Variants in TAOK2 observed in about 807,000 individuals in gnomAD.
TAOK2 encodes serine/threonine-protein kinase TAO2.
In TAOK2, 42 loss-of-function variants were observed where a neutral mutation model predicts 122.5. The observed-to-expected ratio is 0.34, with a 90% CI of 0.27 to 0.44. The LOEUF (loss-of-function observed/expected upper bound fraction) is 0.44, where lower values mean the gene tolerates loss of function less well. Ranked by LOEUF, TAOK2 falls within the 20% of genes least tolerant of loss-of-function variation. TAOK2 has a pLI of 1.00. For missense variants in TAOK2, 1,264 were observed against 1,644.9 expected, an observed-to-expected ratio of 0.77 and a Z score of 4.01; for synonymous variants, 704 against 677.6, an observed-to-expected ratio of 1.04 and a Z score of -0.61.
intron 10 of TAOK2, among the ~76,000 whole-genome samples, chr16:29,982,408 A>G (rs2069645837): frequency 6.6e-6 from 1 of 152,210 alleles, no homozygotes; most frequent in Admixed American, 6.5e-5. Flanking sequence ...CACTTGTTTT[A>G]TAATTGTAGG....
intron 13 of TAOK2, among the ~76,000 whole-genome samples, chr16:29,984,302 C>G (rs2069714143): frequency 6.6e-6 from 1 of 152,248 alleles, no homozygotes; most frequent in Non-Finnish European, 1.5e-5. Context: ...TTTGGTGGCT[C>G]TCTGCTCCTG....
chr16:29,991,080 C>A (rs751418451), downstream of TAOK2: 3 of 1,582,666 alleles, frequency 1.9e-6, no homozygotes, highest in South Asian at 1.2e-5. This position sits in a 1 kb window ranked among gnomAD's most constrained non-coding sequence, Gnocchi z 5.6. Flanking sequence ...GCAGACAGGA[C>A]GCTCCGAGCG....
Position 29,987,217 on chromosome 16 carries a change from G to A in TAOK2, c.2945G>A (p.Gly982Glu). 1 of 1,545,982 alleles carries A rather than the reference G, an allele frequency of 6.5e-7. No homozygotes were observed. The highest frequency in any genetic ancestry group is 8.7e-7 in the Non-Finnish European group (1 of 1,152,394). The change falls in exon 16 of 16, where the codon GGG (glycine) becomes GAG (glutamate). Residue 982 changes from glycine (G) to glutamate (E), a missense_variant. Gly to Glu is a moderately conservative substitution (Grantham distance 98). Transcript: ENST00000308893. ...LLLPLLAAQG[G>E]GGLQAALLAL... Reference sequence around the variant, plus strand: ...CTTCCATTGCTGGCAGCCCAGGGTGGGGGTGGCCTGCAGGCAGCGCTGCTG... The same window carrying A: ...CTTCCATTGCTGGCAGCCCAGGGTGAGGGTGGCCTGCAGGCAGCGCTGCTG...
intron 1 of TAOK2, among the ~76,000 whole-genome samples, chr16:29,977,202 G>T (rs796928255): frequency 1.3e-5 from 2 of 151,870 alleles, no homozygotes; most frequent in Non-Finnish European, 2.9e-5. Flanking sequence ...GTGACTTTGC[G>T]GGCTCCTCTG....
At chr16:29,991,701 C>A, downstream of TAOK2, 1 of 1,174,716 alleles carries the variant, frequency 8.5e-7, no homozygotes, top group Non-Finnish European at 1.1e-6. This position sits in a 1 kb window ranked among gnomAD's most constrained non-coding sequence, Gnocchi z 5.6. Context: ...CAGACCTCCT[C>A]ATCTCATGAG....
At chr16:29,991,619 C>T (rs1292041767), downstream of TAOK2, 23 of 1,429,038 alleles carry the variant, frequency 1.6e-5, no homozygotes, top group Non-Finnish European at 2.1e-5. The surrounding 1 kb of genome is among the most constrained non-coding windows in gnomAD (Gnocchi z 5.6). Context: ...GTGGGTGGAG[C>T]CTGACCCTGG....
At position 29,981,920 on chromosome 16, in the gene TAOK2, A is replaced by G. The variant is rs970485759; in HGVS notation, c.811A>G (p.Thr271Ala). 4.3e-6 allele frequency: 7 copies of G among 1,613,906 alleles called. No homozygotes were observed. Among genetic ancestry groups the G allele is most frequent in the African/African-American group, 1.3e-5 (1 of 75,004 alleles). Reference protein sequence around the residue: ...CLQKIPQDRPTSEVLLKHRFV... With the variant: ...CLQKIPQDRPASEVLLKHRFV... Reference sequence around the variant, plus strand: ...TCAGAAAATCCCTCAAGACAGACCAACCTCAGAGGTTCTCCTGAAGGTGAG... The same window carrying G: ...TCAGAAAATCCCTCAAGACAGACCAGCCTCAGAGGTTCTCCTGAAGGTGAG... The change falls in exon 10 of 16, where the codon ACC (threonine) becomes GCC (alanine). Residue 271 changes from threonine to alanine, a missense_variant. Transcript: ENST00000308893.
At chr16:29,991,438 G>A (rs747228880), downstream of TAOK2, 25 of 1,520,110 alleles carry the variant, frequency 1.6e-5, no homozygotes, top group African/African-American at 4.2e-5. This position sits in a 1 kb window ranked among gnomAD's most constrained non-coding sequence, Gnocchi z 5.6. Flanking sequence ...CAGCCCCTGC[G>A]GCGGGCAGCC....
rs992927200 is a variant in TAOK2, at chr16:29,987,170, G to C, written c.2898G>C (p.Leu966=). The C allele has an allele frequency of 2.6e-6, 4 of 1,564,160 alleles. No homozygotes were observed. In the African/African-American group the frequency reaches 4.1e-5, roughly 16 times the overall value. The part of the protein sequence containing the change: ...SFAVGSSSGL[L]PLLLLLLLPL... Reference sequence around the variant, plus strand: ...CAGTGGGGTCCTCCTCTGGCCTCCTGCCCCTCCTGCTGCTGCTGCTGCTTC... The same window carrying C: ...CAGTGGGGTCCTCCTCTGGCCTCCTCCCCCTCCTGCTGCTGCTGCTGCTTC... The change falls in exon 16 of 16, where the codon CTG becomes CTC. Residue 966 remains leucine, a synonymous_variant. Coordinates refer to ENST00000308893, the MANE Select transcript of TAOK2 (RefSeq NM_016151.4).
chr16:29,975,330 A>G (rs532178841), intron 1 of TAOK2, among the ~76,000 whole-genome samples: 1 of 152,294 alleles, frequency 6.6e-6, no homozygotes, highest in Non-Finnish European at 1.5e-5. Context: ...CCCATTTTAC[A>G]GTTGAGAACG....
rs1191996792 is a variant in TAOK2, at chr16:29,982,617, C to T, written c.832-117C>T. 36 of 1,378,732 alleles carry T rather than the reference C, an allele frequency of 2.6e-5. No homozygotes were observed. In the Admixed American group the frequency reaches 2.9e-4, roughly 11 times the overall value. 85.4% of individuals were successfully genotyped at this position (1,378,732 alleles called of 1,614,324 possible). On this transcript the variant is annotated intron_variant, in intron 10 of 15. Transcript: ENST00000308893. ...GAAGGGCTTGGGATAAGGCCAGCAT[C>T]AACCCGTGGTGGGCGTGGGCCCCAG...
intron 1 of TAOK2, among the ~76,000 whole-genome samples, chr16:29,977,489 A>T (rs1253028259): frequency 1.3e-5 from 2 of 152,124 alleles, no homozygotes; most frequent in African/African-American, 4.8e-5. Flanking sequence ...GGTGGTGAGG[A>T]TACTTAGCTT....
At position 29,973,991 on chromosome 16, in the gene TAOK2, C is replaced by T. The variant is rs1011221407; in HGVS notation, c.-693C>T. ...GAGGGCGCGGGGACCGTCAGCAGCA[C>T]CTTAGCTACAATCGTTCAGCTATTC... is the stretch of plus-strand genomic sequence containing the variant. On this transcript the variant is annotated 5_prime_UTR_variant, in exon 1 of 16. Transcript: ENST00000308893. 6.5e-6 allele frequency: 1 copy of T among 152,706 alleles called. No homozygotes were observed. Among genetic ancestry groups the T allele is most frequent in the Non-Finnish European group, 1.5e-5 (1 of 68,412 alleles). 9.5% of individuals were successfully genotyped at this position (152,706 alleles called of 1,614,324 possible).
At chr16:29,981,431 A>G (rs1314499871) in intron 8 of TAOK2, 16 of 610,062 alleles carry the variant, frequency 2.6e-5, no homozygotes, top group Non-Finnish European at 4.4e-5. Flanking sequence ...GCTTTTGTGG[A>G]TGTTATTTTC....
At chr16:29,976,378 G>A (rs2069454749) in intron 1 of TAOK2, among the ~76,000 whole-genome samples, 1 of 152,230 alleles carries the variant, frequency 6.6e-6, no homozygotes, top group African/African-American at 2.4e-5. Context: ...GGGCCCACTG[G>A]AGAGTCAGGC....
chr16:29,979,393 T>C lies in TAOK2; in HGVS notation c.564-24T>C, dbSNP rs775983458. ...ACAGGGTCTCGGCGGGTGATTTGCC[T>C]CTCTCTCCTGACCATTCTCCTAGGA... On this transcript the variant is annotated intron_variant, in intron 7 of 15. Coordinates refer to ENST00000308893, the MANE Select transcript of TAOK2 (RefSeq NM_016151.4). The surrounding 1 kb of genome is among the most constrained non-coding windows in gnomAD (Gnocchi z 4.1). 3 of 1,602,932 alleles carry C rather than the reference T, an allele frequency of 1.9e-6. No individual in the cohort carries two copies. The highest frequency in any genetic ancestry group is 1.7e-5 in the Admixed American group (1 of 59,414).
chr16:29,977,982 A>T (rs572060094), intron 2 of TAOK2, 78 bp downstream of exon 2: 26 of 1,612,148 alleles, frequency 1.6e-5, no homozygotes, highest in Non-Finnish European at 2.1e-5. Context: ...GCCCTTGCAC[A>T]CTACTCCATC....
rs1031930816 is a variant in TAOK2, at chr16:29,987,719, G to T, written c.3447G>T (p.Arg1149Ser). The change falls in exon 16 of 16, where the codon AGG (arginine) becomes AGT (serine). Residue 1149 changes from arginine to serine, a missense_variant. This residue lies in a region of TAOK2 where 824 missense variants were observed against 908.7 expected (regional missense o/e 0.91). Coordinates refer to ENST00000308893, the MANE Select transcript of TAOK2 (RefSeq NM_016151.4). ...TTQHPLALLA[R>S]VWVLCKGWNW... ...AACACCCATTAGCTCTGTTGGCAAGGGTCTGGGTCCTGTGCAAGGGCTGGA... is the reference window on the plus strand; with the variant it reads ...AACACCCATTAGCTCTGTTGGCAAGTGTCTGGGTCCTGTGCAAGGGCTGGA... 2.5e-6 allele frequency: 4 copies of T among 1,614,098 alleles called. No homozygotes were observed. Among genetic ancestry groups the T allele is most frequent in the Non-Finnish European group, 3.4e-6 (4 of 1,179,968 alleles).
downstream of TAOK2, chr16:29,988,822 G>A: frequency 1.0e-6 from 1 of 985,424 alleles, no homozygotes; most frequent in Non-Finnish European, 1.2e-6. Context: ...GGGGCAACCA[G>A]GCGGAGTATG....
Sources: allele counts gnomAD v4.1 joint callset (sites outside exome capture counted in the v4.1 genomes callset), GRCh38; gene constraint gnomAD v4.1.1; regional missense constraint gnomAD v4.1.1; non-coding constraint Gnocchi (gnomAD v3.1); transcripts MANE v1.5; gene names NCBI Gene and HGNC (gene_info 2026-07-23, HGNC 2026-07-21).